The following ZNF536 variants were observed in gnomAD, a reference collection of about 807,000 sequenced individuals.
The protein encoded by ZNF536 is zinc finger protein 536.
In ZNF536, 13 loss-of-function variants were observed where a neutral mutation model predicts 84.5. That is an observed-to-expected ratio of 0.15 (90% CI 0.10 to 0.24). The LOEUF (loss-of-function observed/expected upper bound fraction) is 0.24, where lower values mean the gene tolerates loss of function less well. Among genes scored for constraint, ZNF536 ranks in the 10% least tolerant of loss-of-function variants. The pLI, the probability that ZNF536 is intolerant of heterozygous loss-of-function variation, is 1.00. For missense variants in ZNF536, 1,536 were observed against 1,747.5 expected (o/e 0.88, Z 2.16); for synonymous variants, 811 against 742.5 (o/e 1.09, Z -1.50).
chr19:30,699,209 A>T (rs2051790382), intron 1 of ZNF536, among the ~76,000 whole-genome samples: 1 of 152,126 alleles, frequency 6.6e-6, no homozygotes, highest in Admixed American at 6.5e-5. Context: ...TTCTCCAAGG[A>T]GCCCTGGTTC....
chr19:30,275,714 A>G (rs2026090378), intron 1 of ZNF536, among the ~76,000 whole-genome samples: 2 of 152,168 alleles, frequency 1.3e-5, no homozygotes, highest in South Asian at 4.1e-4. Flanking sequence ...GGATGCAAGG[A>G]TGAAGTGAGA....
rs115926788 is a variant in ZNF536, at chr19:30,460,386, T to C, written c.2170+14654T>C. Among the ~76,000 whole-genome samples, 620 of 152,256 alleles carry C rather than the reference T, an allele frequency of 4.1e-3. 5 individuals carry two copies. The highest frequency in any genetic ancestry group is 0.014 in the African/African-American group (598 of 41,560). On this transcript the variant is annotated intron_variant, in intron 2 of 4. Transcript: ENST00000355537. ...AAATGTCACCGCTCCGAGGTTCTTC[T>C]AGTAGCAGAGGCACTGGCCCTCCTG...
At chr19:30,566,495 G>A (rs779477707) in intron 1 of ZNF536, among the ~76,000 whole-genome samples, 4 of 152,250 alleles carry the variant, frequency 2.6e-5, no homozygotes, top group Non-Finnish European at 5.9e-5. Flanking sequence ...TGTGGATGGA[G>A]TATTTATTAT....
At chr19:30,288,163 G>T (rs968000173) in intron 2 of ZNF536, among the ~76,000 whole-genome samples, 1 of 152,234 alleles carries the variant, frequency 6.6e-6, no homozygotes, top group Non-Finnish European at 1.5e-5. Flanking sequence ...TGGAGGTCAC[G>T]TAGGCGAAGA....
At chr19:30,373,098 C>T (rs1251069982) in intron 1 of ZNF536, among the ~76,000 whole-genome samples, 1 of 152,186 alleles carries the variant, frequency 6.6e-6, no homozygotes, top group Non-Finnish European at 1.5e-5. Flanking sequence ...TGCTTTTTGA[C>T]GTTAGAGAAA....
intron 1 of ZNF536, among the ~76,000 whole-genome samples, chr19:30,676,857 A>C (rs2050770515): frequency 6.6e-6 from 1 of 152,180 alleles, no homozygotes; most frequent in African/African-American, 2.4e-5. Flanking sequence ...GTTTCTTTTG[A>C]GACAAGGGTG....
chr19:30,257,824 TAA>T (rs2024991321), intron 1 of ZNF536, among the ~76,000 whole-genome samples: 1 of 152,238 alleles, frequency 6.6e-6, no homozygotes, highest in Non-Finnish European at 1.5e-5. Context: ...CTGCTCACTC[TAA>T]GAGTCTGCAT....
intron 1 of ZNF536, among the ~76,000 whole-genome samples, chr19:30,441,519 C>T (rs2052047121): frequency 6.6e-6 from 1 of 152,104 alleles, no homozygotes; most frequent in African/African-American, 2.4e-5. Flanking sequence ...ATCATGTCTC[C>T]AGTGGCAAGG....
intron 1 of ZNF536, among the ~76,000 whole-genome samples, chr19:30,405,965 A>C (rs2050247158): frequency 6.6e-6 from 1 of 152,070 alleles, no homozygotes; most frequent in African/African-American, 2.4e-5. Flanking sequence ...TTTCGTAGAG[A>C]CGGGATTTAC....
intron 1 of ZNF536, among the ~76,000 whole-genome samples, chr19:30,427,541 T>A (rs2051269073): frequency 6.6e-6 from 1 of 152,044 alleles, no homozygotes. Context: ...GTGAACTTGT[T>A]GGTTGGCTGT....
chr19:30,383,758 TCTTTCTTTC>T lies in ZNF536; in HGVS notation c.-3+11203_-3+11211del, dbSNP rs1568376949. Among the ~76,000 whole-genome samples, 6 of 3,934 alleles carry T rather than the reference TCTTTCTTTC, an allele frequency of 1.5e-3. 1 individual carries two copies. Among genetic ancestry groups the T allele is most frequent in the African/African-American group, 4.3e-3 (4 of 924 alleles). 2.6% of individuals were successfully genotyped at this position (3,934 alleles called of 152,430 possible). On this transcript the variant is annotated intron_variant, in intron 1 of 4. Coordinates refer to ENST00000355537, the MANE Select transcript of ZNF536 (RefSeq NM_014717.3). ...TTCTTTCTTTCTCTTTCTTTCTTTC[TCTTTCTTTC>T]TTTCTTTTCTTTCTTTCTTTCTTTT...
rs577078049 is a variant in ZNF536 at position 30,344,018 on chromosome 19, A to G, written c.-119-8350A>G. 1.3e-5 allele frequency among the ~76,000 whole-genome samples: 2 copies of G among 152,136 alleles called. 1 individual carries two copies. The highest frequency in any genetic ancestry group is 4.8e-5 in the African/African-American group (2 of 41,516). ...GCGAAAGTGTCAGAGGGAGCAAGCC[A>G]TGGCCTGTGGTGAGACCCAGGGAAG... is the stretch of plus-strand genomic sequence containing the variant. On this transcript the variant is annotated intron_variant, in intron 2 of 5. Coordinates refer to the ZNF536 transcript ENST00000585628.
At chr19:30,354,041 A>G (rs1306360697) in intron 3 of ZNF536, among the ~76,000 whole-genome samples, 2 of 152,098 alleles carry the variant, frequency 1.3e-5, no homozygotes, top group Admixed American at 1.3e-4. Context: ...CCCAATCGGG[A>G]TGGGTAGGGA....
Position 30,392,794 on chromosome 19 carries a change from A to G in ZNF536, c.-3+20238A>G, listed in dbSNP as rs1478387736. Among the ~76,000 whole-genome samples, 6 of 152,194 alleles carry G rather than the reference A, an allele frequency of 3.9e-5. No individual in the cohort carries two copies. In the East Asian group the frequency reaches 1.2e-3, roughly 29 times the overall value. On this transcript the variant is annotated intron_variant, in intron 1 of 4. Transcript: ENST00000355537. ...GGAGAGGACTGTGGTGCAAAACAGT[A>G]ATTAACTGTTTTTTCTCTGTCCTGA...
At chr19:30,326,850 G>C (rs928192498) in intron 2 of ZNF536, among the ~76,000 whole-genome samples, 3 of 114,584 alleles carry the variant, frequency 2.6e-5, no homozygotes, top group African/African-American at 1.0e-4. Flanking sequence ...GCCCATGCCT[G>C]TAATCCCAGT....
chr19:30,548,828 G>A lies in ZNF536; in HGVS notation c.3209G>A (p.Ser1070Asn). 2.5e-6 allele frequency: 4 copies of A among 1,614,078 alleles called. No individual in the cohort carries two copies. The highest frequency in any genetic ancestry group is 3.4e-6 in the Non-Finnish European group (4 of 1,180,042). ...GACCTGGGCCTCTCCAATATGATCA[G>A]CTCTCTAGACTCTGCTTCTGAGAAG... Reference protein sequence around the residue: ...NKDLGLSNMISSLDSASEKMA... With the variant: ...NKDLGLSNMINSLDSASEKMA... Residue 1070 changes from serine (S) to asparagine (N), a missense_variant, in exon 4 of 5, where the codon AGC becomes AAC. Physicochemically the swap from Ser to Asn is conservative, Grantham distance 46. Coordinates refer to ENST00000355537, the MANE Select transcript of ZNF536 (RefSeq NM_014717.3).
rs561604968 is a variant in ZNF536 at position 30,274,927 on chromosome 19, G to A, written c.-189-9145G>A. ...TGAAGTACTTTCTGTAAAGCGATAC[G>A]TATGTTGAGTTCATGTGGTGATACA... On this transcript the variant is annotated intron_variant, in intron 1 of 5. Transcript: ENST00000585628. 4.6e-5 allele frequency among the ~76,000 whole-genome samples: 7 copies of A among 152,298 alleles called. No individual in the cohort carries two copies. The East Asian group carries it at 5.8e-4, about 13-fold the overall frequency.
intron 1 of ZNF536, among the ~76,000 whole-genome samples, chr19:30,599,803 C>T (rs1265841071): frequency 6.6e-6 from 1 of 152,194 alleles, no homozygotes; most frequent in African/African-American, 2.4e-5. Flanking sequence ...CCCTGGCAAC[C>T]TTGAGGCATC....
intron 1 of ZNF536, among the ~76,000 whole-genome samples, chr19:30,581,800 G>A (rs55808562): frequency 0.024 from 3,681 of 152,168 alleles, 159 homozygotes; most frequent in African/African-American, 0.084. Flanking sequence ...GCCGGGCATG[G>A]TGGTGCACCT....
Sources: allele counts gnomAD v4.1 joint callset (sites outside exome capture counted in the v4.1 genomes callset), GRCh38; gene constraint gnomAD v4.1.1; transcripts MANE v1.5; gene names NCBI Gene and HGNC (gene_info 2026-07-23, HGNC 2026-07-21).